PRSS16: variants seen among roughly 807,000 people sequenced by gnomAD.
The protein encoded by PRSS16 is thymus-specific serine protease.
Under a neutral mutation model 61.7 loss-of-function variants are expected in PRSS16, and 43 were observed. That is an observed-to-expected ratio of 0.70 (90% confidence interval 0.55 to 0.90). PRSS16 has a LOEUF of 0.90. Ranked by LOEUF, PRSS16 falls within the 40% of genes least tolerant of loss-of-function variation. PRSS16 has a pLI of 0.00. For synonymous variants in PRSS16, 273 were observed against 285.2 expected (o/e 0.96, Z 0.43); for missense variants, 591 against 659.1 (o/e 0.90, Z 1.13).
chr6:27,248,640 G>A (rs1357755817), intron 2 of PRSS16, among the ~76,000 whole-genome samples: 1 of 151,840 alleles, frequency 6.6e-6, no homozygotes, highest in East Asian at 1.9e-4. Flanking sequence ...TGAAAAACCA[G>A]GTCAAAAATT....
intron 4 of PRSS16, 77 bp downstream of exon 4, chr6:27,249,306 C>G: frequency 6.6e-7 from 1 of 1,507,914 alleles, no homozygotes; most frequent in Non-Finnish European, 9.0e-7. Context: ...ATCTGTGTCT[C>G]TCTCCTCCAC....
intron 2 of PRSS16, 41 bp from the exon 3 acceptor site, chr6:27,248,806 C>A: frequency 7.4e-7 from 1 of 1,347,706 alleles, no homozygotes; most frequent in Non-Finnish European, 1.0e-6. Context: ...TAAGTCAGGA[C>A]TCTCACAGTG....
chr6:27,251,327 A>AGAG lies in PRSS16; in HGVS notation c.717+68_717+70dup. 3 of 1,529,668 alleles carry AGAG rather than the reference A, an allele frequency of 2.0e-6. No individual in the cohort carries two copies. The South Asian group carries it at 3.8e-5, about 19-fold the overall frequency. The allele number at this position is 1,529,668 out of a possible 1,614,324, so 94.8% of individuals were successfully genotyped here. A position where few individuals can be genotyped will look rare whatever the true frequency, so the allele number is the denominator to read the frequency against. ...GAAAAGAGGCCTCGGATGCCAGGGA[A>AGAG]GAGGAGGCCAGAGAAGGGCGAAACC... is the stretch of plus-strand genomic sequence containing the variant. On this transcript the variant is annotated intron_variant, in intron 7 of 11. Coordinates refer to ENST00000230582, the MANE Select transcript of PRSS16 (RefSeq NM_005865.4). This position sits in a 1 kb window ranked among gnomAD's most constrained non-coding sequence, Gnocchi z 5.6.
intron 5 of PRSS16, 23 bp downstream of exon 5, chr6:27,250,829 G>T: frequency 6.3e-7 from 1 of 1,592,564 alleles, no homozygotes. Context: ...CTCCGGGTGG[G>T]CTGGGGGGAG....
rs1759812534 is a variant in PRSS16, at chr6:27,249,174, A to G, written c.412A>G (p.Ile138Val). The G allele has an allele frequency of 6.2e-7, 1 of 1,612,036 alleles. No individual in the cohort carries two copies. The highest frequency in any genetic ancestry group is 8.5e-7 in the Non-Finnish European group (1 of 1,179,750). The change falls in exon 4 of 12, where the codon ATA (isoleucine) becomes GTA (valine). Residue 138 changes from isoleucine (I) to valine (V), a missense_variant. Ile to Val is a conservative substitution (Grantham distance 29). Coordinates refer to ENST00000230582, the MANE Select transcript of PRSS16 (RefSeq NM_005865.4). ...SLEHRFYGLS[I>V]PAGGLEMAQL... Reference sequence around the variant, plus strand: ...GGAACACAGATTTTATGGCCTGAGTATACCTGCTGGAGGCCTGGAAATGGC... The same window carrying G: ...GGAACACAGATTTTATGGCCTGAGTGTACCTGCTGGAGGCCTGGAAATGGC...
chr6:27,249,329 A>G, intron 4 of PRSS16, 100 bp downstream of exon 4: 1 of 1,401,044 alleles, frequency 7.1e-7, no homozygotes, highest in East Asian at 2.4e-5. Flanking sequence ...TCTGAAGTCA[A>G]CCTCTGAGTC....
At position 27,254,407 on chromosome 6, in the gene PRSS16, C is replaced by G. The variant is rs77155836; in HGVS notation, c.1151-286C>G. 7.5e-4 allele frequency: 268 copies of G among 358,908 alleles called. 1 individual carries two copies. The highest frequency in any genetic ancestry group is 1.1e-3 in the Non-Finnish European group (220 of 197,806). The allele number at this position is 358,908 out of a possible 1,614,324, so 22.2% of individuals were successfully genotyped here. ...CTTCCTTCTCTATCTTTGTTTGGCT[C>G]AGTTCTACTAATTTCTCAAGGTCTT... On this transcript the variant is annotated intron_variant, in intron 9 of 11. Coordinates refer to ENST00000230582, the MANE Select transcript of PRSS16 (RefSeq NM_005865.4).
intron 2 of PRSS16, among the ~76,000 whole-genome samples, chr6:27,248,281 T>C (rs1467235167): frequency 1.3e-5 from 2 of 151,856 alleles, no homozygotes; most frequent in African/African-American, 2.4e-5. Flanking sequence ...ATCTTGCCCT[T>C]CACCATTTCT....
rs746727253 is a variant in PRSS16 at position 27,247,730 on chromosome 6, C to T, written c.-8C>T. ...GTCCTCCTGGGGGAGAACAGAGTCC[C>T]GAACACCATGGCCGTCTGGCTTGCC... On this transcript the variant is annotated 5_prime_UTR_variant, in exon 1 of 12. Transcript: ENST00000230582. 13 of 1,562,690 alleles carry T rather than the reference C, an allele frequency of 8.3e-6. No individual in the cohort carries two copies. The highest frequency in any genetic ancestry group is 4.7e-5 in the South Asian group (4 of 85,386).
At chr6:27,248,132 C>G (rs1023220146) in intron 2 of PRSS16, 84 bp downstream of exon 2, 20 of 1,436,974 alleles carry the variant, frequency 1.4e-5, no homozygotes, top group Admixed American at 6.9e-5. Context: ...GCACTTTTTT[C>G]TCTCTCCACA....
chr6:27,251,249 C>T lies in PRSS16; in HGVS notation c.702C>T (p.Ile234=). 6.2e-7 allele frequency: 1 copy of T among 1,608,114 alleles called. No individual in the cohort carries two copies. The highest frequency in any genetic ancestry group is 8.5e-7 in the Non-Finnish European group (1 of 1,176,770). The change falls in exon 7 of 12, where the codon ATC becomes ATT. Residue 234 remains isoleucine, a synonymous_variant. Transcript: ENST00000230582. The surrounding 1 kb of genome is among the most constrained non-coding windows in gnomAD (Gnocchi z 5.6). Reference sequence around the variant, plus strand: ...CCCGAAGCCTAATGAGCACCGCGATCGGCGGGTCCCTGGAGGTAGGAGGTG... The same window carrying T: ...CCCGAAGCCTAATGAGCACCGCGATTGGCGGGTCCCTGGAGGTAGGAGGTG... The part of the protein sequence containing the change: ...VVSRSLMSTA[I]GGSLECRAAV...
chr6:27,251,585 T>TTAGGGGCGGGGGCC lies in PRSS16; in HGVS notation c.718-164_718-163insAGGGGCGGGGGCCT. 5 of 472,968 alleles carry TTAGGGGCGGGGGCC rather than the reference T, an allele frequency of 1.1e-5. No individual in the cohort carries two copies. Among genetic ancestry groups the TTAGGGGCGGGGGCC allele is most frequent in the Non-Finnish European group, 1.5e-5 (5 of 336,136 alleles). 29.3% of individuals were successfully genotyped at this position (472,968 alleles called of 1,614,324 possible). On this transcript the variant is annotated intron_variant, in intron 7 of 11. Transcript: ENST00000230582. The surrounding 1 kb of genome is among the most constrained non-coding windows in gnomAD (Gnocchi z 5.6). ...AGAAGGAGGGCTGCGAGGCAGGGGATTGGGGGCGGGGGCCTGGGGGCGGGG... is the reference window on the plus strand; with the variant it reads ...AGAAGGAGGGCTGCGAGGCAGGGGATTAGGGGCGGGGGCCTGGGGGCGGGGGCCTGGGGGCGGGG...
chr6:27,251,486 A>G lies in PRSS16; in HGVS notation c.717+222A>G, dbSNP rs945398156. 1.3e-6 allele frequency: 1 copy of G among 746,226 alleles called. No individual in the cohort carries two copies. Among genetic ancestry groups the G allele is most frequent in the Non-Finnish European group, 2.1e-6 (1 of 475,836 alleles). The allele number at this position is 746,226 out of a possible 1,614,324, so 46.2% of individuals were successfully genotyped here. Reference sequence around the variant, plus strand: ...CAGAGAGGGCGGGGTTTGGGCAGGGACAATCCTATCCGGAGGTGAGGCTCA... The same window carrying G: ...CAGAGAGGGCGGGGTTTGGGCAGGGGCAATCCTATCCGGAGGTGAGGCTCA... On this transcript the variant is annotated intron_variant, in intron 7 of 11. Transcript: ENST00000230582. This position sits in a 1 kb window ranked among gnomAD's most constrained non-coding sequence, Gnocchi z 5.6.
At position 27,252,734 on chromosome 6, in the gene PRSS16, C is replaced by T. The variant is rs905042627; in HGVS notation, c.1009-74C>T. The T allele has an allele frequency of 6.1e-5, 95 of 1,561,484 alleles. No individual in the cohort carries two copies. The highest frequency in any genetic ancestry group is 8.2e-5 in the Non-Finnish European group (93 of 1,139,094). ...ATTTCTGACTTTTGACCTCTGGGGACATAGGCCTCTGCACCCTGGCTTGCT... is the reference window on the plus strand; with the variant it reads ...ATTTCTGACTTTTGACCTCTGGGGATATAGGCCTCTGCACCCTGGCTTGCT... On this transcript the variant is annotated intron_variant, in intron 8 of 11. Coordinates refer to ENST00000230582, the MANE Select transcript of PRSS16 (RefSeq NM_005865.4). This position sits in a 1 kb window ranked among gnomAD's most constrained non-coding sequence, Gnocchi z 4.2.
rs1457427405 is a variant in PRSS16, at chr6:27,256,146, C to G, written c.*831C>G. ...TATTTCTGTCTCTGATGCTCTTCTTCTGTGTCTCTATTTCTCTTCCTGTCA... is the reference window on the plus strand; with the variant it reads ...TATTTCTGTCTCTGATGCTCTTCTTGTGTGTCTCTATTTCTCTTCCTGTCA... On this transcript the variant is annotated 3_prime_UTR_variant, in exon 12 of 12. Coordinates refer to ENST00000230582, the MANE Select transcript of PRSS16 (RefSeq NM_005865.4). The G allele has an allele frequency of 6.5e-6, 1 of 152,716 alleles. No individual in the cohort carries two copies. Among genetic ancestry groups the G allele is most frequent in the Admixed American group, 6.5e-5 (1 of 15,268 alleles). The allele number at this position is 152,716 out of a possible 1,614,324, so 9.5% of individuals were successfully genotyped here. A position where few individuals can be genotyped will look rare whatever the true frequency, so the allele number is the denominator to read the frequency against.
chr6:27,251,407 G>A lies in PRSS16; in HGVS notation c.717+143G>A. On this transcript the variant is annotated intron_variant, in intron 7 of 11. Transcript: ENST00000230582. This position sits in a 1 kb window ranked among gnomAD's most constrained non-coding sequence, Gnocchi z 5.6. The stretch of plus-strand genomic sequence containing the variant: ...GAGCTCGGGGGAATACGCAGGTTTT[G>A]GAAGAAGGCGGGAGCTGACGAAGAG... 9.1e-7 allele frequency: 1 copy of A among 1,094,642 alleles called. No homozygotes were observed. 67.8% of individuals were successfully genotyped at this position (1,094,642 alleles called of 1,614,324 possible). A position where few individuals can be genotyped will look rare whatever the true frequency, so the allele number is the denominator to read the frequency against.
At position 27,251,702 on chromosome 6, in the gene PRSS16, C is replaced by T. The variant is rs1412485210; in HGVS notation, c.718-48C>T. 12 of 1,550,254 alleles carry T rather than the reference C, an allele frequency of 7.7e-6. No individual in the cohort carries two copies. The highest frequency in any genetic ancestry group is 2.3e-5 in the East Asian group (1 of 44,284). ...GACGCAGGTCCTGGGTAGGGAAAGC[C>T]GAGGCCCAGCCTAAGTCTTGGCGGA... On this transcript the variant is annotated intron_variant, in intron 7 of 11. Coordinates refer to ENST00000230582, the MANE Select transcript of PRSS16 (RefSeq NM_005865.4). The surrounding 1 kb of genome is among the most constrained non-coding windows in gnomAD (Gnocchi z 5.6).
Position 27,252,136 on chromosome 6 carries a change from A to G in PRSS16, c.1008+96A>G, listed in dbSNP as rs1403900066. On this transcript the variant is annotated intron_variant, in intron 8 of 11. Transcript: ENST00000230582. The surrounding 1 kb of genome is among the most constrained non-coding windows in gnomAD (Gnocchi z 4.2). ...CTTGGGCAAGCGAGAACCTTCTCTG[A>G]AACTTCGTTTTCTCATCTGTAAAAT... 1.5e-6 allele frequency: 2 copies of G among 1,355,776 alleles called. No individual in the cohort carries two copies. The highest frequency in any genetic ancestry group is 1.5e-5 in the African/African-American group (1 of 67,194). The allele number at this position is 1,355,776 out of a possible 1,614,324, so 84.0% of individuals were successfully genotyped here.
At position 27,251,502 on chromosome 6, in the gene PRSS16, G is replaced by C; in HGVS notation, c.717+238G>C. ...TGGGCAGGGACAATCCTATCCGGAGGTGAGGCTCAAGGTGGGGCGGGGCCA... is the reference window on the plus strand; with the variant it reads ...TGGGCAGGGACAATCCTATCCGGAGCTGAGGCTCAAGGTGGGGCGGGGCCA... On this transcript the variant is annotated intron_variant, in intron 7 of 11. Transcript: ENST00000230582. The surrounding 1 kb of genome is among the most constrained non-coding windows in gnomAD (Gnocchi z 5.6). The C allele has an allele frequency of 1.4e-6, 1 of 732,686 alleles. No individual in the cohort carries two copies. Among genetic ancestry groups the C allele is most frequent in the Admixed American group, 3.1e-5 (1 of 32,300 alleles). 45.4% of individuals were successfully genotyped at this position (732,686 alleles called of 1,614,324 possible). A position where few individuals can be genotyped will look rare whatever the true frequency, so the allele number is the denominator to read the frequency against.
Sources: gnomAD v4.1 joint callset for allele counts (sites outside exome capture counted in the v4.1 genomes callset) on GRCh38, gnomAD v4.1.1 for gene constraint, Gnocchi (gnomAD v3.1) non-coding constraint, MANE v1.5 for transcripts, NCBI Gene and HGNC (gene_info 2026-07-23, HGNC 2026-07-21) for gene names.